The following GMDS variants were observed in gnomAD, a reference collection of about 807,000 sequenced individuals.
GMDS encodes the protein GDP-mannose 4,6 dehydratase.
GMDS carries 20 observed loss-of-function variants against 49.9 expected under a neutral mutation model. That is an observed-to-expected ratio of 0.40 (90% CI 0.28 to 0.58). The LOEUF (loss-of-function observed/expected upper bound fraction) is 0.58. GMDS is among the 20% of genes least tolerant of loss of function. GMDS has a pLI of 0.42. For synonymous variants in GMDS, 177 were observed against 178.6 expected (o/e 0.99, Z 0.07); for missense variants, 362 against 481.4 (o/e 0.75, Z 2.32).
intron 1 of GMDS, among the ~76,000 whole-genome samples, chr6:2,137,500 ATTTTGTATTTT>A (rs1466909932): frequency 2.0e-5 from 3 of 151,880 alleles, no homozygotes; most frequent in Admixed American, 6.6e-5. Context: ...TACCCGGCTA[ATTTTGTATTTT>A]TTAGTAGAGA....
chr6:2,016,207 T>C (rs1767891238), intron 4 of GMDS, among the ~76,000 whole-genome samples: 1 of 149,814 alleles, frequency 6.7e-6, no homozygotes, highest in Non-Finnish European at 1.5e-5. Context: ...TGCAGTGAGC[T>C]GTGATTGCGC....
chr6:2,092,189 A>G (rs534697679), intron 4 of GMDS, among the ~76,000 whole-genome samples: 1 of 152,228 alleles, frequency 6.6e-6, no homozygotes, highest in Non-Finnish European at 1.5e-5. Context: ...GGTTAGTAGT[A>G]GTGAACTAAA....
chr6:1,885,308 A>G (rs993724461), intron 7 of GMDS, among the ~76,000 whole-genome samples: 3 of 152,236 alleles, frequency 2.0e-5, no homozygotes, highest in Non-Finnish European at 2.9e-5. Context: ...AAGTTGAAAA[A>G]GAAAAGCTAT....
intron 1 of GMDS, among the ~76,000 whole-genome samples, chr6:2,164,186 G>C (rs1299208035): frequency 6.6e-6 from 1 of 152,170 alleles, no homozygotes; most frequent in African/African-American, 2.4e-5. Flanking sequence ...GTGAGTATAT[G>C]TCAACAAATT....
intron 7 of GMDS, among the ~76,000 whole-genome samples, chr6:1,888,929 G>A (rs1451284486): frequency 5.3e-5 from 8 of 152,246 alleles, no homozygotes; most frequent in South Asian, 4.1e-4. Flanking sequence ...CTCCTTTGAC[G>A]TCATGTCTCA....
rs558318344 is a variant in GMDS at position 2,186,726 on chromosome 6, C to T, written c.102+58595G>A. The stretch of plus-strand genomic sequence containing the variant: ...CCACACAACCACCTACACAGTTTCG[C>T]TTAGGAGGATCTGACTAATCAAGGT... On this transcript the variant is annotated intron_variant, in intron 1 of 10. Coordinates refer to ENST00000380815, the MANE Select transcript of GMDS (RefSeq NM_001500.4). Among the ~76,000 whole-genome samples the T allele has an allele frequency of 2.0e-5, 3 of 152,300 alleles. No homozygotes were observed. In the East Asian group the frequency reaches 5.8e-4, roughly 29 times the overall value.
At chr6:2,045,952 T>C (rs563615520) in intron 4 of GMDS, among the ~76,000 whole-genome samples, 1 of 152,320 alleles carries the variant, frequency 6.6e-6, no homozygotes, top group African/African-American at 2.4e-5. Context: ...GGCTTACACC[T>C]GTAATCCCAG....
chr6:1,913,134 C>T (rs1480429514), intron 7 of GMDS, among the ~76,000 whole-genome samples: 1 of 152,006 alleles, frequency 6.6e-6, no homozygotes, highest in Non-Finnish European at 1.5e-5. Flanking sequence ...GTAATCCCAG[C>T]ACTTTGGGAG....
intron 7 of GMDS, among the ~76,000 whole-genome samples, chr6:1,784,661 C>G (rs1269716776): frequency 6.6e-6 from 1 of 152,134 alleles, no homozygotes; most frequent in East Asian, 1.9e-4. Flanking sequence ...GTGATTGACA[C>G]CCTTATGCCA....
chr6:2,112,124 G>A (rs1307846586), intron 4 of GMDS, among the ~76,000 whole-genome samples: 1 of 152,228 alleles, frequency 6.6e-6, no homozygotes, highest in Non-Finnish European at 1.5e-5. Flanking sequence ...GACATTCTAA[G>A]AGGAGCTGTT....
At chr6:2,223,972 A>G (rs984607826) in intron 1 of GMDS, among the ~76,000 whole-genome samples, 2 of 152,200 alleles carry the variant, frequency 1.3e-5, no homozygotes, top group Non-Finnish European at 2.9e-5. Context: ...GGGCAGAACA[A>G]TGCACTGACA....
intron 1 of GMDS, among the ~76,000 whole-genome samples, chr6:2,197,758 G>A (rs531319181): frequency 3.9e-5 from 6 of 152,136 alleles, no homozygotes; most frequent in Admixed American, 6.6e-5. Flanking sequence ...GGACACAGCC[G>A]CCTTGTGAGA....
chr6:2,036,958 T>C (rs1157864627), intron 4 of GMDS, among the ~76,000 whole-genome samples: 3 of 152,214 alleles, frequency 2.0e-5, no homozygotes, highest in Non-Finnish European at 2.9e-5. Flanking sequence ...TCTATTCCTG[T>C]TGTACCTGGA....
chr6:1,991,206 C>T (rs1239617089), intron 4 of GMDS, among the ~76,000 whole-genome samples: 2 of 152,116 alleles, frequency 1.3e-5, no homozygotes, highest in Non-Finnish European at 2.9e-5. Flanking sequence ...CTTTCTGCCT[C>T]TTAGTGGGAG....
intron 4 of GMDS, among the ~76,000 whole-genome samples, chr6:1,976,127 A>G (rs1323432281): frequency 6.6e-6 from 1 of 152,248 alleles, no homozygotes. Context: ...TTGTAAAATA[A>G]TAAAGAATAT....
chr6:2,060,451 T>C (rs1179562942), intron 4 of GMDS, among the ~76,000 whole-genome samples: 1 of 152,142 alleles, frequency 6.6e-6, no homozygotes, highest in Non-Finnish European at 1.5e-5. Flanking sequence ...TCTCCTTCCA[T>C]TCATTCAAAT....
intron 4 of GMDS, among the ~76,000 whole-genome samples, chr6:1,997,589 C>A (rs1766373062): frequency 6.6e-6 from 1 of 151,204 alleles, no homozygotes; most frequent in Admixed American, 6.6e-5. Context: ...CATCAGTGTG[C>A]AGAAAACTCC....
intron 2 of GMDS, among the ~76,000 whole-genome samples, chr6:2,121,528 G>C (rs1775138165): frequency 6.6e-6 from 1 of 152,130 alleles, no homozygotes; most frequent in African/African-American, 2.4e-5. Flanking sequence ...GGTTCATTCA[G>C]AGCATGATCA....
chr6:2,053,113 T>A (rs1483635915), intron 4 of GMDS, among the ~76,000 whole-genome samples: 2 of 152,104 alleles, frequency 1.3e-5, no homozygotes, highest in African/African-American at 4.8e-5. Flanking sequence ...CACAAGAAAA[T>A]ATATATTTTT....
Sources: allele counts gnomAD v4.1 joint callset (sites outside exome capture counted in the v4.1 genomes callset), GRCh38; gene constraint gnomAD v4.1.1; transcripts MANE v1.5; gene names NCBI Gene and HGNC (gene_info 2026-07-23, HGNC 2026-07-21).